Variants in IFIH1 observed in about 807,000 individuals in gnomAD.
The protein encoded by IFIH1 is interferon induced with helicase C domain 1.
Under a neutral mutation model 107.4 loss-of-function variants are expected in IFIH1, and 125 were observed. That is an observed-to-expected ratio of 1.16 (90% CI 1.01 to 1.35). IFIH1 has a LOEUF of 1.35. Among genes scored for constraint, IFIH1 ranks in the 40% most tolerant of loss-of-function variants. The pLI is 0.00. For synonymous variants in IFIH1, 458 were observed against 413.2 expected (o/e 1.11, Z -1.31); for missense variants, 1,333 against 1,213.7 (o/e 1.10, Z -1.46).
chr2:162,267,632 T>C, intron 14 of IFIH1, 63 bp from the exon 15 acceptor site: 2 of 1,187,718 alleles, frequency 1.7e-6, no homozygotes, highest in East Asian at 4.6e-5. Flanking sequence ...GTGTAGTTCA[T>C]GGGTTATTGG....
At chr2:162,278,472 C>A in intron 8 of IFIH1, 144 bp from the exon 9 acceptor site, 1 of 523,100 alleles carries the variant, frequency 1.9e-6, no homozygotes, top group East Asian at 3.4e-5. Context: ...CATCACTTGT[C>A]TGTACATTTA....
chr2:162,317,900 A>G lies in IFIH1; in HGVS notation c.408T>C (p.Asp136=), dbSNP rs532804791. The change falls in exon 1 of 16, where the codon GAT becomes GAC. Residue 136 remains aspartate, a synonymous_variant. Transcript: ENST00000649979. Reference sequence around the variant, plus strand: ...TCAACAGTTCCTCCTCCATGCACTTATCCAAGACGTCTCTAACTAGAAGCT... The same window carrying G: ...TCAACAGTTCCTCCTCCATGCACTTGTCCAAGACGTCTCTAACTAGAAGCT... ...VDKLLVRDVL[D]KCMEEELLTI... 1 of 1,611,358 alleles carries G rather than the reference A, an allele frequency of 6.2e-7. No homozygotes were observed. The highest frequency in any genetic ancestry group is 2.2e-5 in the East Asian group (1 of 44,872).
intron 3 of IFIH1, among the ~76,000 whole-genome samples, chr2:162,301,128 A>G (rs901156798): frequency 1.5e-4 from 23 of 152,192 alleles, no homozygotes; most frequent in African/African-American, 5.5e-4. Flanking sequence ...GGATAAACCT[A>G]AGGAGTGGAA....
In IFIH1 at chr2:162,309,954, A is replaced by G. The variant is rs185096724; in HGVS notation, c.622+811T>C. On this transcript the variant is annotated intron_variant, in intron 2 of 15. Transcript: ENST00000649979. ...TCCAGTTTCCAATGACATTTTTCTC[A>G]TTTCTCTCTGTGACCTCACCAGAAT... is the stretch of plus-strand genomic sequence containing the variant. Among the ~76,000 whole-genome samples, 4 of 152,062 alleles carry G rather than the reference A, an allele frequency of 2.6e-5. No individual in the cohort carries two copies. In the East Asian group the frequency reaches 7.7e-4, roughly 29 times the overall value.
chr2:162,311,029 T>A, intron 1 of IFIH1, 96 bp from the exon 2 acceptor site: 1 of 858,088 alleles, frequency 1.2e-6, no homozygotes, highest in Non-Finnish European at 1.8e-6. Flanking sequence ...CAATTAAGCA[T>A]AAGTATAAAT....
intron 2 of IFIH1, 145 bp downstream of exon 2, chr2:162,310,620 A>T: frequency 1.6e-6 from 1 of 636,530 alleles, no homozygotes; most frequent in Non-Finnish European, 2.7e-6. Flanking sequence ...TTAAGGTGAT[A>T]AAATAGATGA....
intron 3 of IFIH1, among the ~76,000 whole-genome samples, chr2:162,303,795 C>T (rs1255948375): frequency 6.6e-6 from 1 of 152,062 alleles, no homozygotes; most frequent in African/African-American, 2.4e-5. Flanking sequence ...ATTTTGTTCA[C>T]TAGAAGTTCA....
chr2:162,268,101 C>T lies in IFIH1; in HGVS notation c.2793G>A (p.Met931Ile), dbSNP rs1576220013. 1 of 1,599,152 alleles carries T rather than the reference C, an allele frequency of 6.3e-7. No individual in the cohort carries two copies. Among genetic ancestry groups the T allele is most frequent in the Non-Finnish European group, 8.5e-7 (1 of 1,173,820 alleles). Residue 931 changes from methionine to isoleucine, a missense_variant, in exon 14 of 16, where the codon ATG becomes ATA. Coordinates refer to ENST00000649979, the MANE Select transcript of IFIH1 (RefSeq NM_022168.4). Reference sequence around the variant, plus strand: ...TCTGGACTCACTTGAATTCTGGGGTCATATTGACGTGATGCATTTTCTCAA... The same window carrying T: ...TCTGGACTCACTTGAATTCTGGGGTTATATTGACGTGATGCATTTTCTCAA... Reference protein sequence around the residue: ...HVIEKMHHVNMTPEFKELYIV... With the variant: ...HVIEKMHHVNITPEFKELYIV...
intron 1 of IFIH1, among the ~76,000 whole-genome samples, chr2:162,317,499 A>G (rs925639236): frequency 6.6e-6 from 1 of 152,176 alleles, no homozygotes; most frequent in Non-Finnish European, 1.5e-5. Context: ...TCTCATCTGT[A>G]AAATGGAGTT....
intron 13 of IFIH1, among the ~76,000 whole-genome samples, chr2:162,270,772 T>C (rs1691020349): frequency 6.6e-6 from 1 of 152,186 alleles, no homozygotes; most frequent in Non-Finnish European, 1.5e-5. Context: ...GCAGTAACTT[T>C]CCAGTGGCAT....
At chr2:162,302,906 T>C (rs1055572195) in intron 3 of IFIH1, among the ~76,000 whole-genome samples, 1 of 152,306 alleles carries the variant, frequency 6.6e-6, no homozygotes, top group African/African-American at 2.4e-5. Context: ...AAAGAACCTA[T>C]GGACTAGAAG....
Position 162,277,406 on chromosome 2 carries a change from G to T in IFIH1, c.2044+9C>A. 1.3e-6 allele frequency: 2 copies of T among 1,595,640 alleles called. No individual in the cohort carries two copies. Among genetic ancestry groups the T allele is most frequent in the South Asian group, 1.1e-5 (1 of 89,928 alleles). Reference sequence around the variant, plus strand: ...GAATGACACCAGTATATGTTACTTTGAATCTTACCAAAAAATAAAGTCATG... The same window carrying T: ...GAATGACACCAGTATATGTTACTTTTAATCTTACCAAAAAATAAAGTCATG... On this transcript the variant is annotated intron_variant, in intron 10 of 15. Transcript: ENST00000649979.
At chr2:162,281,916 A>C (rs1682816904) in intron 6 of IFIH1, among the ~76,000 whole-genome samples, 1 of 151,976 alleles carries the variant, frequency 6.6e-6, no homozygotes. Context: ...TTTTATTTTT[A>C]TTACATCAAG....
chr2:162,278,799 T>A (rs1040572274), intron 8 of IFIH1, among the ~76,000 whole-genome samples: 7 of 152,112 alleles, frequency 4.6e-5, no homozygotes, highest in African/African-American at 1.7e-4. Context: ...ATTCCATTTA[T>A]ATAAAGTTCA....
At chr2:162,306,915 C>T in intron 2 of IFIH1, 60 bp from the exon 3 acceptor site, 1 of 1,443,774 alleles carries the variant, frequency 6.9e-7, no homozygotes, top group Non-Finnish European at 9.7e-7. Flanking sequence ...GTAGAGCATA[C>T]ATAACTGTTA....
intron 6 of IFIH1, 96 bp from the exon 7 acceptor site, chr2:162,281,641 T>C: frequency 1.2e-6 from 1 of 830,492 alleles, no homozygotes; most frequent in Non-Finnish European, 1.9e-6. Flanking sequence ...TGGGGATGCC[T>C]TCTCTTGGGC....
chr2:162,269,632 G>T (rs1690995113), intron 13 of IFIH1, among the ~76,000 whole-genome samples: 1 of 152,118 alleles, frequency 6.6e-6, no homozygotes, highest in Non-Finnish European at 1.5e-5. Context: ...CCGCCAAACT[G>T]ACCTCTCATA....
At chr2:162,307,671 G>A (rs10197630) in intron 2 of IFIH1, among the ~76,000 whole-genome samples, 14,140 of 152,040 alleles carry the variant, frequency 0.093, 2,226 homozygotes, top group African/African-American at 0.32. Flanking sequence ...ATTTTCTAAC[G>A]TATCATTTTT....
intron 2 of IFIH1, among the ~76,000 whole-genome samples, chr2:162,309,637 C>T (rs1683355911): frequency 6.6e-6 from 1 of 152,140 alleles, no homozygotes; most frequent in East Asian, 1.9e-4. Flanking sequence ...TGATTAAGTC[C>T]ATCAGTAGCA....
Sources: allele counts gnomAD v4.1 joint callset (sites outside exome capture counted in the v4.1 genomes callset), GRCh38; gene constraint gnomAD v4.1.1; transcripts MANE v1.5; gene names NCBI Gene and HGNC (gene_info 2026-07-23, HGNC 2026-07-21).